Variants in ATXN10 observed in about 807,000 individuals in gnomAD.
The protein encoded by ATXN10 is ataxin-10.
Under a neutral mutation model 52.9 loss-of-function variants are expected in ATXN10, and 28 were observed. The observed-to-expected ratio is 0.53, with a 90% CI of 0.39 to 0.73. The LOEUF is 0.73. Among genes scored for constraint, ATXN10 ranks in the 30% least tolerant of loss-of-function variants. The probability of loss-of-function intolerance (pLI) is 0.00; values close to 1 mark genes in which losing one functional copy is unlikely to be tolerated. For synonymous variants in ATXN10, 226 were observed against 221.5 expected, an observed-to-expected ratio of 1.02 and a Z score of -0.18; for missense variants, 565 against 577.0, an observed-to-expected ratio of 0.98 and a Z score of 0.21.
At chr22:45,778,268 A>G (rs1927029652) in intron 9 of ATXN10, among the ~76,000 whole-genome samples, 1 of 152,118 alleles carries the variant, frequency 6.6e-6, no homozygotes, top group Non-Finnish European at 1.5e-5. Context: ...TCATTTATCC[A>G]TTTACTCAGT....
At chr22:45,731,757 T>G (rs1361127679) in intron 7 of ATXN10, among the ~76,000 whole-genome samples, 2 of 152,234 alleles carry the variant, frequency 1.3e-5, no homozygotes, top group Non-Finnish European at 1.5e-5. Flanking sequence ...GTGAATATAC[T>G]TTCGTTCAGG....
At chr22:45,791,027 T>A (rs954127171) in intron 9 of ATXN10, among the ~76,000 whole-genome samples, 10 of 152,102 alleles carry the variant, frequency 6.6e-5, no homozygotes, top group Admixed American at 1.3e-4. Flanking sequence ...GCTAATTTTT[T>A]AAAAAATTAT....
chr22:45,761,114 A>G (rs985125173), intron 9 of ATXN10, among the ~76,000 whole-genome samples: 1 of 152,046 alleles, frequency 6.6e-6, no homozygotes, highest in African/African-American at 2.4e-5. Context: ...GGGTGACCTC[A>G]GTATTTTATT....
intron 9 of ATXN10, among the ~76,000 whole-genome samples, chr22:45,752,711 G>T (rs1601624655): frequency 6.6e-6 from 1 of 152,042 alleles, no homozygotes; most frequent in Non-Finnish European, 1.5e-5. Context: ...CATTTCTGAG[G>T]ATTATTTTGT....
chr22:45,741,359 G>A (rs1466737631), intron 9 of ATXN10, among the ~76,000 whole-genome samples: 2 of 152,160 alleles, frequency 1.3e-5, no homozygotes, highest in South Asian at 2.1e-4. Flanking sequence ...ACCATTTGTA[G>A]CATAGCCCTT....
intron 7 of ATXN10, 121 bp from the exon 8 acceptor site, chr22:45,738,610 C>A: frequency 1.2e-6 from 1 of 855,522 alleles, no homozygotes; most frequent in Non-Finnish European, 1.8e-6. Context: ...TTCTCTTTGA[C>A]TTATTACAAG....
chr22:45,759,533 A>G lies in ATXN10; in HGVS notation c.1173+18995A>G, dbSNP rs904391444. ...CAAACAAACAAACAAAAAAGATTCT[A>G]GAGCAGTCTGATCAGGGTGAGGGTT... On this transcript the variant is annotated intron_variant, in intron 9 of 11. Coordinates refer to ENST00000252934, the MANE Select transcript of ATXN10 (RefSeq NM_013236.4). The surrounding 1 kb of genome is among the most constrained non-coding windows in gnomAD (Gnocchi z 5.4). 3.3e-5 allele frequency among the ~76,000 whole-genome samples: 5 copies of G among 152,138 alleles called. No individual in the cohort carries two copies. The highest frequency in any genetic ancestry group is 1.2e-4 in the African/African-American group (5 of 41,428).
At chr22:45,760,253 G>A (rs147835138) in intron 9 of ATXN10, among the ~76,000 whole-genome samples, 11 of 152,220 alleles carry the variant, frequency 7.2e-5, no homozygotes, top group East Asian at 3.9e-4. Context: ...GGTTTCCTGC[G>A]GGCCAGATGC....
intron 9 of ATXN10, among the ~76,000 whole-genome samples, chr22:45,796,746 C>T (rs1303528276): frequency 1.3e-5 from 2 of 152,176 alleles, no homozygotes; most frequent in African/African-American, 4.8e-5. Flanking sequence ...TATCCTCCCA[C>T]CTTCCGCCTC....
At chr22:45,703,292 T>G (rs1923912264) in intron 5 of ATXN10, among the ~76,000 whole-genome samples, 1 of 152,228 alleles carries the variant, frequency 6.6e-6, no homozygotes, top group Admixed American at 6.5e-5. Flanking sequence ...CCTTCATACA[T>G]AATGTGTTAT....
chr22:45,700,223 C>A, intron 3 of ATXN10, 59 bp from the exon 4 acceptor site: 1 of 1,138,396 alleles, frequency 8.8e-7, no homozygotes, highest in Non-Finnish European at 1.3e-6. Context: ...TCTTAAGATG[C>A]ATTTATTTAT....
At chr22:45,834,338 TC>T (rs1007735211) in intron 10 of ATXN10, among the ~76,000 whole-genome samples, 7 of 152,146 alleles carry the variant, frequency 4.6e-5, no homozygotes. Context: ...GCCTGACACT[TC>T]CCCGGTTTCT....
At position 45,824,275 on chromosome 22, in the gene ATXN10, T is replaced by G. The variant is rs964448449; in HGVS notation, c.1237+17253T>G. Reference sequence around the variant, plus strand: ...CCCCTTTCTACATTTGGCCAACTCCTACTCACCTTTGAGTTTGATTTAAAT... The same window carrying G: ...CCCCTTTCTACATTTGGCCAACTCCGACTCACCTTTGAGTTTGATTTAAAT... On this transcript the variant is annotated intron_variant, in intron 10 of 11. Coordinates refer to ENST00000252934, the MANE Select transcript of ATXN10 (RefSeq NM_013236.4). The surrounding 1 kb of genome is among the most constrained non-coding windows in gnomAD (Gnocchi z 5.2). Among the ~76,000 whole-genome samples the G allele has an allele frequency of 6.6e-6, 1 of 152,188 alleles. No homozygotes were observed. The highest frequency in any genetic ancestry group is 1.5e-5 in the Non-Finnish European group (1 of 68,032).
At chr22:45,689,612 G>GT in intron 1 of ATXN10, 100 bp from the exon 2 acceptor site, 3 of 1,003,104 alleles carry the variant, frequency 3.0e-6, no homozygotes, top group Non-Finnish European at 4.7e-6. Context: ...TAAACGTAGC[G>GT]TACCTCCCCA....
chr22:45,747,155 T>C (rs1449444177), intron 9 of ATXN10, among the ~76,000 whole-genome samples: 1 of 152,128 alleles, frequency 6.6e-6, no homozygotes, highest in Non-Finnish European at 1.5e-5. Flanking sequence ...TTTCCTTCTT[T>C]ATAGGAACCT....
intron 8 of ATXN10, among the ~76,000 whole-genome samples, 188 bp from the exon 9 acceptor site, chr22:45,740,181 C>T (rs1925454948): frequency 6.6e-6 from 1 of 152,128 alleles, no homozygotes; most frequent in Admixed American, 6.6e-5. Context: ...AAAGCAAAGG[C>T]AGAAGAGCCT....
rs1040824142 is a variant in ATXN10 at position 45,688,820 on chromosome 22, G to T, written c.117-892G>T. Among the ~76,000 whole-genome samples, 2 of 152,210 alleles carry T rather than the reference G, an allele frequency of 1.3e-5. No individual in the cohort carries two copies. Among genetic ancestry groups the T allele is most frequent in the Non-Finnish European group, 1.5e-5 (1 of 68,044 alleles). ...AGAATCTCTTAAATTGTCCAATGTG[G>T]CAACTTTCCTTCTAACGTTAAAAGA... On this transcript the variant is annotated intron_variant, in intron 1 of 11. Coordinates refer to ENST00000252934, the MANE Select transcript of ATXN10 (RefSeq NM_013236.4). The surrounding 1 kb of genome is among the most constrained non-coding windows in gnomAD (Gnocchi z 4.0).
At position 45,837,323 on chromosome 22, in the gene ATXN10, A is replaced by C. The variant is rs1250192691; in HGVS notation, c.1238-5668A>C. Among the ~76,000 whole-genome samples, 3 of 152,126 alleles carry C rather than the reference A, an allele frequency of 2.0e-5. No individual in the cohort carries two copies. The highest frequency in any genetic ancestry group is 7.2e-5 in the African/African-American group (3 of 41,424). ...CGCCCAGGCTGCAGTGCAGTGGCGC[A>C]ATCTCGGCTCACTGCAGCCTCTGCC... On this transcript the variant is annotated intron_variant, in intron 10 of 11. Transcript: ENST00000252934. This position sits in a 1 kb window ranked among gnomAD's most constrained non-coding sequence, Gnocchi z 5.8.
intron 9 of ATXN10, among the ~76,000 whole-genome samples, chr22:45,778,177 C>T (rs135991): frequency 0.72 from 108,778 of 152,102 alleles, 39,691 homozygotes; most frequent in African/African-American, 0.86. Flanking sequence ...TAGTTTGAAT[C>T]CCAGCTGTGT....
Sources: gnomAD v4.1 joint callset for allele counts (sites outside exome capture counted in the v4.1 genomes callset) on GRCh38, gnomAD v4.1.1 for gene constraint, Gnocchi (gnomAD v3.1) non-coding constraint, MANE v1.5 for transcripts, NCBI Gene and HGNC (gene_info 2026-07-23, HGNC 2026-07-21) for gene names.